The following CRACD variants were observed in gnomAD, a reference collection of about 807,000 sequenced individuals.
The protein encoded by CRACD is capping protein-inhibiting regulator of actin dynamics.
CRACD carries 56 observed loss-of-function variants against 106.8 expected under a neutral mutation model. That is an observed-to-expected ratio of 0.52 (90% CI 0.42 to 0.66). The LOEUF is 0.66. CRACD is among the 30% of genes least tolerant of loss of function. The pLI is 0.00. For synonymous variants in CRACD, 754 were observed against 670.8 expected (o/e 1.12, Z -1.92); for missense variants, 1,730 against 1,623.2 (o/e 1.07, Z -1.13).
At chr4:56,141,828 G>A (rs1398916136) in intron 1 of CRACD, among the ~76,000 whole-genome samples, 1 of 150,832 alleles carries the variant, frequency 6.6e-6, no homozygotes, top group Non-Finnish European at 1.5e-5. Context: ...CAAATAGCTG[G>A]GACTGCAGGC....
chr4:56,189,594 T>C lies in CRACD; in HGVS notation c.-189+10164T>C, dbSNP rs1251337053. On this transcript the variant is annotated intron_variant, in intron 2 of 10. Transcript: ENST00000682029. ...CCCTGGTGTGTGATGTTCCCCTTCC[T>C]GCGTCCATGTGTTCTCATTGTTCAA... Among the ~76,000 whole-genome samples, 3 of 126,592 alleles carry C rather than the reference T, an allele frequency of 2.4e-5. No homozygotes were observed. In the East Asian group the frequency reaches 7.4e-4, roughly 31 times the overall value. 83.0% of individuals were successfully genotyped at this position (126,592 alleles called of 152,430 possible).
rs1745376249 is a variant in CRACD at position 56,314,410 on chromosome 4, C to CGGAGCGGAGTGAGCGGAG, written c.917_918insTGAGCGGAGGGAGCGGAG (p.Arg305_Arg306insSerGluArgArgGluArg). On this transcript the variant is annotated inframe_insertion, in exon 8 of 11. Transcript: ENST00000682029. The surrounding 1 kb of genome is among the most constrained non-coding windows in gnomAD (Gnocchi z 4.4). The stretch of plus-strand genomic sequence containing the variant: ...CTGGAAGCGCCAGGTTGGGAGGACG[C>CGGAGCGGAGTGAGCGGAG]GGAGCGGAGGGAGCGTGAGGAGCGC... The CGGAGCGGAGTGAGCGGAG allele has an allele frequency of 6.5e-7, 1 of 1,539,908 alleles. No homozygotes were observed. Among genetic ancestry groups the CGGAGCGGAGTGAGCGGAG allele is most frequent in the Non-Finnish European group, 8.8e-7 (1 of 1,142,674 alleles).
intron 1 of CRACD, among the ~76,000 whole-genome samples, chr4:56,060,156 A>C (rs149527606): frequency 0.013 from 1,958 of 152,266 alleles, 19 homozygotes; most frequent in South Asian, 0.037. Flanking sequence ...TCATCGGTGC[A>C]GTCAGTTAGG....
intron 1 of CRACD, among the ~76,000 whole-genome samples, chr4:56,102,074 A>G (rs1375492969): frequency 6.6e-6 from 1 of 151,984 alleles, no homozygotes; most frequent in Non-Finnish European, 1.5e-5. Flanking sequence ...CCTTGTGTAT[A>G]TATGTTATTT....
At chr4:56,153,375 C>A (rs751741780) in intron 1 of CRACD, among the ~76,000 whole-genome samples, 10 of 152,154 alleles carry the variant, frequency 6.6e-5, no homozygotes, top group East Asian at 1.9e-4. Context: ...CCTCTTCAGG[C>A]GAGAAACCTT....
At chr4:56,177,486 C>A (rs1344033392) in intron 1 of CRACD, among the ~76,000 whole-genome samples, 5 of 151,982 alleles carry the variant, frequency 3.3e-5, no homozygotes, top group Non-Finnish European at 5.9e-5. Flanking sequence ...ATTTTTGCAT[C>A]TTTTTTATGT....
At chr4:56,293,044 T>TAA (rs1743787683) in intron 3 of CRACD, among the ~76,000 whole-genome samples, 1 of 152,204 alleles carries the variant, frequency 6.6e-6, no homozygotes, top group Non-Finnish European at 1.5e-5. Context: ...ATTAAACAAT[T>TAA]AAGTGGAAAT....
intron 3 of CRACD, among the ~76,000 whole-genome samples, chr4:56,291,865 T>C (rs1743720158): frequency 6.6e-6 from 1 of 152,046 alleles, no homozygotes. Flanking sequence ...TGACCTAATA[T>C]AGAAAACTGG....
At chr4:56,129,935 A>C (rs1734773003) in intron 1 of CRACD, among the ~76,000 whole-genome samples, 1 of 152,216 alleles carries the variant, frequency 6.6e-6, no homozygotes, top group Admixed American at 6.5e-5. Context: ...AATGGATTTC[A>C]GCAGAACATA....
rs79149269 is a variant in CRACD, at chr4:56,115,272, A to G, written c.-335-64012A>G. The stretch of plus-strand genomic sequence containing the variant: ...ACTATACAATTTTAAGAGTACCTTT[A>G]TTTCACTATGGACCTATTAATTTTG... On this transcript the variant is annotated intron_variant, in intron 1 of 10. Transcript: ENST00000682029. Among the ~76,000 whole-genome samples the G allele has an allele frequency of 4.6e-3, 694 of 152,316 alleles. 18 individuals are homozygous for G. In the East Asian group the frequency reaches 0.065, roughly 14 times the overall value.
intron 2 of CRACD, among the ~76,000 whole-genome samples, chr4:56,240,803 C>T (rs542930155): frequency 1.6e-4 from 24 of 152,282 alleles, no homozygotes; most frequent in East Asian, 1.2e-3. Flanking sequence ...AAAGAAGATT[C>T]TTAGGTTTGT....
intron 1 of CRACD, among the ~76,000 whole-genome samples, chr4:56,076,559 A>G (rs1732844918): frequency 6.6e-6 from 1 of 152,246 alleles, no homozygotes; most frequent in African/African-American, 2.4e-5. Flanking sequence ...ATTGCTCTGT[A>G]AGGTGATTAG....
At chr4:56,209,968 C>T (rs1011488641) in intron 2 of CRACD, among the ~76,000 whole-genome samples, 4 of 152,090 alleles carry the variant, frequency 2.6e-5, no homozygotes, top group Admixed American at 6.6e-5. Context: ...GCTGTGAGGT[C>T]GATGCCCTGG....
intron 1 of CRACD, among the ~76,000 whole-genome samples, chr4:56,162,860 G>T (rs1325362481): frequency 6.6e-6 from 1 of 152,194 alleles, no homozygotes; most frequent in East Asian, 1.9e-4. Flanking sequence ...TTAGGGATTG[G>T]CAAACTTCTT....
chr4:56,121,475 C>G (rs1734480206), intron 1 of CRACD, among the ~76,000 whole-genome samples: 2 of 152,092 alleles, frequency 1.3e-5, no homozygotes, highest in Non-Finnish European at 2.9e-5. Flanking sequence ...GAAACCCCAT[C>G]TCTACTAAAA....
In CRACD at chr4:56,329,067, ATC is replaced by A. The variant is rs1746643609; in HGVS notation, c.*1265_*1266del. On this transcript the variant is annotated 3_prime_UTR_variant, in exon 11 of 11. Coordinates refer to ENST00000682029, the MANE Select transcript of CRACD (RefSeq NM_001393381.1). ...ATTCACCTTGCTACCTTTAAAAAAC[ATC>A]TGAGTTTTAAGTGGCCTTTTTATCA... Among the ~76,000 whole-genome samples the A allele has an allele frequency of 6.6e-6, 1 of 152,244 alleles. No individual in the cohort carries two copies. The highest frequency in any genetic ancestry group is 2.4e-5 in the African/African-American group (1 of 41,472).
intron 1 of CRACD, among the ~76,000 whole-genome samples, chr4:56,164,739 G>C (rs73155143): frequency 4.4e-4 from 67 of 152,276 alleles, no homozygotes; most frequent in African/African-American, 1.5e-3. Flanking sequence ...GCAGTGTGGT[G>C]ACATTATTGT....
At chr4:56,066,498 A>G (rs6836376) in intron 1 of CRACD, among the ~76,000 whole-genome samples, 56,068 of 152,044 alleles carry the variant, frequency 0.37, 11,896 homozygotes, top group African/African-American at 0.59. Context: ...AGCTATGTTC[A>G]TGCCACTGCA....
intron 2 of CRACD, among the ~76,000 whole-genome samples, chr4:56,260,126 A>G (rs1490248761): frequency 1.3e-5 from 2 of 152,066 alleles, no homozygotes; most frequent in Non-Finnish European, 2.9e-5. Context: ...AGAAGCAAGG[A>G]CTCTGATAGT....
Sources: gnomAD v4.1 joint callset for allele counts (sites outside exome capture counted in the v4.1 genomes callset) on GRCh38, gnomAD v4.1.1 for gene constraint, Gnocchi (gnomAD v3.1) non-coding constraint, MANE v1.5 for transcripts, NCBI Gene and HGNC (gene_info 2026-07-23, HGNC 2026-07-21) for gene names.